ARHGEF28: variants seen among roughly 807,000 people sequenced by gnomAD.
ARHGEF28 encodes 190 kDa guanine nucleotide exchange factor.
In ARHGEF28, 152 loss-of-function variants were observed where a neutral mutation model predicts 206.6. The observed-to-expected ratio is 0.74, with a 90% CI of 0.64 to 0.84. The LOEUF is 0.84. Ranked by LOEUF, ARHGEF28 falls within the 40% of genes least tolerant of loss-of-function variation. ARHGEF28 has a pLI of 0.00. For synonymous variants in ARHGEF28, 763 were observed against 776.4 expected (o/e 0.98, Z 0.29); for missense variants, 2,028 against 2,073.2 (o/e 0.98, Z 0.42).
At chr5:73,700,601 A>C (rs1368789068) in intron 2 of ARHGEF28, among the ~76,000 whole-genome samples, 1 of 152,340 alleles carries the variant, frequency 6.6e-6, no homozygotes, top group East Asian at 1.9e-4. Flanking sequence ...AAAGTATCGT[A>C]TATTACAAAA....
intron 9 of ARHGEF28, among the ~76,000 whole-genome samples, chr5:73,826,953 C>A (rs940227016): frequency 5.3e-5 from 8 of 152,164 alleles, no homozygotes; most frequent in African/African-American, 1.4e-4. Flanking sequence ...GTTTATCCTC[C>A]AGGCACTTTG....
chr5:73,841,559 A>G (rs1251108823), intron 11 of ARHGEF28, among the ~76,000 whole-genome samples: 1 of 151,976 alleles, frequency 6.6e-6, no homozygotes, highest in African/African-American at 2.4e-5. Flanking sequence ...TACAAAAATT[A>G]TCTGGGCATG....
In ARHGEF28 at chr5:73,909,890, G is replaced by A; in HGVS notation, c.4640G>A (p.Gly1547Asp). The A allele has an allele frequency of 6.0e-6, 9 of 1,507,842 alleles. No homozygotes were observed. Among genetic ancestry groups the A allele is most frequent in the Non-Finnish European group, 7.9e-6 (9 of 1,140,606 alleles). The allele number at this position is 1,507,842 out of a possible 1,614,324, so 93.4% of individuals were successfully genotyped here. A position where few individuals can be genotyped will look rare whatever the true frequency, so the allele number is the denominator to read the frequency against. ...CTGCCCGCGGTGCTCCTTCCGGGTG[G>A]CCCCGAGGTATGGACCTTCTGCGGT... is the stretch of plus-strand genomic sequence containing the variant. The part of the protein sequence containing the change: ...RSLPAVLLPG[G>D]PEVMELNRSE... Residue 1547 changes from glycine (G) to aspartate (D), a missense_variant, in exon 34 of 36, where the codon GGC (glycine) becomes GAC (aspartate). Gly to Asp is a moderately conservative substitution (Grantham distance 94). Around this residue, in one of 3 missense-constraint regions of ARHGEF28, gnomAD observed 803 missense variants for 768.0 expected, o/e 1.05. Transcript: ENST00000513042.
Position 73,911,291 on chromosome 5 carries a change from G to T in ARHGEF28, c.4664G>T (p.Arg1555Leu). The T allele has an allele frequency of 6.3e-7, 1 of 1,593,650 alleles. No individual in the cohort carries two copies. The highest frequency in any genetic ancestry group is 8.6e-7 in the Non-Finnish European group (1 of 1,168,376). ...PGGPEVMELN[R>L]SESLCHENSF... ...TTTACACAGGTAATGGAACTTAATCGATCTGAGAGTTTATGTCATGAAAAC... is the reference window on the plus strand; with the variant it reads ...TTTACACAGGTAATGGAACTTAATCTATCTGAGAGTTTATGTCATGAAAAC... Residue 1555 changes from arginine to leucine, a missense_variant, in exon 35 of 36, where the codon CGA becomes CTA. By Grantham distance (102) the Arg-to-Leu change is moderately radical. Transcript: ENST00000513042.
chr5:73,761,359 A>G (rs1752591462), intron 4 of ARHGEF28, among the ~76,000 whole-genome samples: 1 of 152,154 alleles, frequency 6.6e-6, no homozygotes. Flanking sequence ...CAAATGAAAT[A>G]TTGGTTTGTA....
chr5:73,628,254 G>A (rs989657810), intron 1 of ARHGEF28, among the ~76,000 whole-genome samples: 1 of 152,078 alleles, frequency 6.6e-6, no homozygotes, highest in African/African-American at 2.4e-5. Flanking sequence ...AAAAGACTAT[G>A]TGTTCTAAGT....
intron 9 of ARHGEF28, among the ~76,000 whole-genome samples, chr5:73,807,487 CTTT>C (rs577924923): frequency 7.0e-6 from 1 of 142,294 alleles, no homozygotes; most frequent in Non-Finnish European, 1.5e-5. Context: ...CAATGTAATT[CTTT>C]TTTTTTTTTT....
In ARHGEF28 at chr5:73,794,398, G is replaced by T; in HGVS notation, c.911-4G>T. The T allele has an allele frequency of 6.3e-7, 1 of 1,593,922 alleles. No homozygotes were observed. The highest frequency in any genetic ancestry group is 8.6e-7 in the Non-Finnish European group (1 of 1,168,918). ...GCAGATCCTGATAATTATTTCTTTTGCAGAGATTAAGAATTCAGTGTCCAG... is the reference window on the plus strand; with the variant it reads ...GCAGATCCTGATAATTATTTCTTTTTCAGAGATTAAGAATTCAGTGTCCAG... On this transcript the variant is annotated splice_region_variant and splice_polypyrimidine_tract_variant and intron_variant, in intron 7 of 35. Transcript: ENST00000513042.
In ARHGEF28 at chr5:73,900,955, T is replaced by C. The variant is rs1461182783; in HGVS notation, c.3974-229T>C. 5 of 418,492 alleles carry C rather than the reference T, an allele frequency of 1.2e-5. No homozygotes were observed. The Admixed American group carries it at 1.8e-4, about 15-fold the overall frequency. 25.9% of individuals were successfully genotyped at this position (418,492 alleles called of 1,614,324 possible). A position where few individuals can be genotyped will look rare whatever the true frequency, so the allele number is the denominator to read the frequency against. Reference sequence around the variant, plus strand: ...AGAAAAGTACAAAGATGGTGATACTTTGTGCGGTTCGTCAGTTGCTGTCTG... The same window carrying C: ...AGAAAAGTACAAAGATGGTGATACTCTGTGCGGTTCGTCAGTTGCTGTCTG... On this transcript the variant is annotated intron_variant, in intron 30 of 35. Transcript: ENST00000513042.
intron 2 of ARHGEF28, among the ~76,000 whole-genome samples, chr5:73,717,424 C>T (rs1369672642): frequency 1.3e-5 from 2 of 152,130 alleles, no homozygotes; most frequent in Non-Finnish European, 2.9e-5. Flanking sequence ...AGCCAATCTC[C>T]CTATTCTCTT....
intron 18 of ARHGEF28, among the ~76,000 whole-genome samples, chr5:73,866,531 A>G (rs2931436): frequency 0.29 from 43,463 of 152,068 alleles, 6,605 homozygotes; most frequent in Admixed American, 0.39. Context: ...CATTATTATA[A>G]TTACCTGGTG....
chr5:73,840,550 G>A lies in ARHGEF28; in HGVS notation c.1217G>A (p.Gly406Asp), dbSNP rs1757922622. 6.2e-7 allele frequency: 1 copy of A among 1,613,662 alleles called. No individual in the cohort carries two copies. ...ITATTSPESRGCTLWPQSSKH... is the reference protein window; with the variant it reads ...ITATTSPESRDCTLWPQSSKH... ...GCCACTACCAGCCCTGAATCCAGAG[G>A]TTGCACTCTGTGGCCTCAGAGCAGC... Residue 406 changes from glycine to aspartate, a missense_variant, in exon 11 of 36, where the codon GGT (glycine) becomes GAT (aspartate). Gly to Asp is a moderately conservative substitution (Grantham distance 94). Transcript: ENST00000513042.
rs1375436206 is a variant in ARHGEF28 at position 73,773,847 on chromosome 5, C to T, written c.476-8C>T. 3 of 1,577,148 alleles carry T rather than the reference C, an allele frequency of 1.9e-6. No individual in the cohort carries two copies. The highest frequency in any genetic ancestry group is 1.9e-5 in the Admixed American group (1 of 53,034). On this transcript the variant is annotated splice_polypyrimidine_tract_variant and splice_region_variant and intron_variant, in intron 4 of 35. Transcript: ENST00000513042. ...GAACTAATATGGTATGTGTTTTTTC[C>T]TCTTCAGTATCTTCTCACAGAGAAT...
intron 2 of ARHGEF28, among the ~76,000 whole-genome samples, chr5:73,749,482 C>T (rs1751913057): frequency 6.6e-6 from 1 of 152,158 alleles, no homozygotes; most frequent in Admixed American, 6.5e-5. Context: ...GCCTGGGCAA[C>T]ATAGTGAGAC....
At position 73,885,963 on chromosome 5, in the gene ARHGEF28, A is replaced by T; in HGVS notation, c.3169A>T (p.Ile1057Phe). 1 of 1,613,744 alleles carries T rather than the reference A, an allele frequency of 6.2e-7. No individual in the cohort carries two copies. The highest frequency in any genetic ancestry group is 8.5e-7 in the Non-Finnish European group (1 of 1,179,762). The change falls in exon 25 of 36, where the codon ATC becomes TTC. Residue 1057 changes from isoleucine (I) to phenylalanine (F), a missense_variant. Ile to Phe is a conservative substitution (Grantham distance 21). Transcript: ENST00000513042. ...EYEKNQKWLEILNKIENKTYT... is the reference protein window; with the variant it reads ...EYEKNQKWLEFLNKIENKTYT... ...TGAGAAAAACCAAAAATGGCTTGAG[A>T]TCCTAAATAAGATTGAAAACAAAAC...
intron 4 of ARHGEF28, among the ~76,000 whole-genome samples, chr5:73,760,412 ACACT>A (rs1160524181): frequency 6.6e-6 from 1 of 152,044 alleles, no homozygotes; most frequent in African/African-American, 2.4e-5. Flanking sequence ...GGTTGTGTAC[ACACT>A]CAGTATTGCT....
Position 73,650,308 on chromosome 5 carries a change from G to A in ARHGEF28, c.-12+23986G>A, listed in dbSNP as rs1239793227. Among the ~76,000 whole-genome samples the A allele has an allele frequency of 5.7e-5, 7 of 121,770 alleles. No homozygotes were observed. In the East Asian group the frequency reaches 7.5e-4, roughly 13 times the overall value. The allele number at this position is 121,770 out of a possible 152,430, so 79.9% of individuals were successfully genotyped here. A position where few individuals can be genotyped will look rare whatever the true frequency, so the allele number is the denominator to read the frequency against. ...TTTTTTTTTTTTTTTTTTTTTAGACGGAGTCTCATTCTGTCACCCAGGCTG... is the reference window on the plus strand; with the variant it reads ...TTTTTTTTTTTTTTTTTTTTTAGACAGAGTCTCATTCTGTCACCCAGGCTG... On this transcript the variant is annotated intron_variant, in intron 1 of 35. Transcript: ENST00000513042.
In ARHGEF28 at chr5:73,940,738, C is replaced by G. The variant is rs985815894; in HGVS notation, c.4949-106C>G. On this transcript the variant is annotated intron_variant, in intron 35 of 35. Coordinates refer to ENST00000513042, the MANE Select transcript of ARHGEF28 (RefSeq NM_001177693.2). ...TTGGGCTTGGCCATTCTGTGGCTGA[C>G]TATATGGGCACTGCATTTCCTAATC... The G allele has an allele frequency of 7.6e-6, 8 of 1,051,046 alleles. No homozygotes were observed. The African/African-American group carries it at 1.2e-4, about 15-fold the overall frequency. The allele number at this position is 1,051,046 out of a possible 1,614,324, so 65.1% of individuals were successfully genotyped here.
chr5:73,805,655 A>G (rs1232321273), intron 9 of ARHGEF28, among the ~76,000 whole-genome samples: 1 of 152,194 alleles, frequency 6.6e-6, no homozygotes, highest in African/African-American at 2.4e-5. Flanking sequence ...AGCAGGGGGA[A>G]GAGGCTAGAG....
Sources: allele counts gnomAD v4.1 joint callset (sites outside exome capture counted in the v4.1 genomes callset), GRCh38; gene constraint gnomAD v4.1.1; regional missense constraint gnomAD v4.1.1; transcripts MANE v1.5; gene names NCBI Gene and HGNC (gene_info 2026-07-23, HGNC 2026-07-21).